Variants in DMD observed in about 807,000 individuals in gnomAD.
DMD encodes the protein mutant dystrophin.
Under a neutral mutation model 330.1 loss-of-function variants are expected in DMD, and 63 were observed. The observed-to-expected ratio is 0.19, with a 90% confidence interval of 0.16 to 0.24. The LOEUF (loss-of-function observed/expected upper bound fraction) is 0.24, where lower values mean the gene tolerates loss of function less well. Among genes scored for constraint, DMD ranks in the 10% least tolerant of loss-of-function variants. The pLI is 1.00. For missense variants in DMD, 3,344 were observed against 2,684.1 expected (o/e 1.25, Z -5.43); for synonymous variants, 1,223 against 959.8 (o/e 1.27, Z -5.07).
At chrX:32,787,253 A>T (rs868727035) in intron 7 of DMD, among the ~76,000 whole-genome samples, 172 of 89,071 alleles carry the variant, frequency 1.9e-3, no homozygotes, top group African/African-American at 7.9e-3. Flanking sequence ...TGTGTGAGAG[A>T]GAGAGAGAGA....
chrX:32,752,202 C>T (rs757353284), intron 7 of DMD, among the ~76,000 whole-genome samples: 74 of 111,446 alleles, frequency 6.6e-4, no homozygotes, highest in African/African-American at 1.9e-3. Context: ...CAACACACAC[C>T]GAGGAAAGCC....
At chrX:32,974,234 A>T (rs2092472491) in intron 2 of DMD, among the ~76,000 whole-genome samples, 1 of 111,807 alleles carries the variant, frequency 8.9e-6, no homozygotes, top group Non-Finnish European at 1.9e-5. Flanking sequence ...AAATGTCCAA[A>T]ATAGGCAGAT....
chrX:33,332,888 G>A (rs1250648657), intron 1 of DMD, among the ~76,000 whole-genome samples: 3 of 110,857 alleles, frequency 2.7e-5, no homozygotes, highest in East Asian at 2.8e-4. Flanking sequence ...TTTATTACTG[G>A]TCTTTAAGAG....
At chrX:31,561,944 CCT>C (rs2075222569) in intron 55 of DMD, among the ~76,000 whole-genome samples, 1 of 111,758 alleles carries the variant, frequency 8.9e-6, no homozygotes, top group African/African-American at 3.2e-5. Flanking sequence ...ATTATTTGTT[CCT>C]CTTTCATTCT....
chrX:32,866,762 T>G, intron 2 of DMD, among the ~76,000 whole-genome samples: 1 of 102,439 alleles, frequency 9.8e-6, no homozygotes, highest in East Asian at 3.4e-4. Flanking sequence ...GGGACAGAGT[T>G]TCACTCTTTC....
At chrX:32,503,594 CG>C (rs1335118000) in intron 18 of DMD, among the ~76,000 whole-genome samples, 1 of 111,397 alleles carries the variant, frequency 9.0e-6, no homozygotes, top group Non-Finnish European at 1.9e-5. Context: ...CTCACTCTGT[CG>C]CCCAGGCTGG....
intron 2 of DMD, among the ~76,000 whole-genome samples, chrX:32,881,472 G>C (rs141912081): frequency 0.011 from 1,269 of 111,786 alleles, 23 homozygotes; most frequent in African/African-American, 0.039. Context: ...TCTTCTATCA[G>C]AGGAAATCTA....
intron 18 of DMD, chrX:32,517,098 T>A (rs1042533079): frequency 9.0e-6 from 1 of 111,579 alleles, no homozygotes; most frequent in Admixed American, 9.5e-5. Context: ...ACTGAGGTAA[T>A]GTCGTATTTG....
chrX:32,509,633 C>A (rs1296312018), intron 18 of DMD, among the ~76,000 whole-genome samples: 2 of 112,023 alleles, frequency 1.8e-5, no homozygotes, highest in Non-Finnish European at 3.8e-5. Flanking sequence ...CATTCAATGA[C>A]TGATGTTCAG....
intron 44 of DMD, among the ~76,000 whole-genome samples, chrX:32,148,668 A>T (rs1043078130): frequency 1.6e-4 from 18 of 111,506 alleles, no homozygotes; most frequent in African/African-American, 5.9e-4. Flanking sequence ...GGCCATAGAC[A>T]TTCATAAATA....
chrX:32,772,911 T>C (rs1409329568), intron 7 of DMD, among the ~76,000 whole-genome samples: 1 of 111,837 alleles, frequency 8.9e-6, no homozygotes, highest in African/African-American at 3.3e-5. Flanking sequence ...TCGGGCAAAC[T>C]CATGTGTTCC....
chrX:32,703,066 A>T (rs1467874601), intron 7 of DMD, among the ~76,000 whole-genome samples: 3 of 111,407 alleles, frequency 2.7e-5, no homozygotes, highest in African/African-American at 9.8e-5. Flanking sequence ...CCCTTCTGAA[A>T]CTTTGCCAGA....
chrX:31,774,843 G>A (rs1159725861), intron 50 of DMD, among the ~76,000 whole-genome samples: 2 of 111,909 alleles, frequency 1.8e-5, no homozygotes, highest in Non-Finnish European at 3.8e-5. Context: ...CGAGTTAGTA[G>A]TTTTTCTATT....
intron 37 of DMD, among the ~76,000 whole-genome samples, chrX:32,355,154 T>A (rs993321171): frequency 2.7e-5 from 3 of 111,714 alleles, no homozygotes; most frequent in Non-Finnish European, 5.7e-5. Context: ...ACAAAAAGTA[T>A]AACGAAATCA....
intron 37 of DMD, among the ~76,000 whole-genome samples, chrX:32,351,439 G>A (rs757269116): frequency 6.4e-5 from 7 of 109,043 alleles, no homozygotes; most frequent in East Asian, 5.7e-4. Context: ...ATTTATCTGC[G>A]GCAATATAAA....
intron 57 of DMD, among the ~76,000 whole-genome samples, chrX:31,493,044 A>G (rs1052253091): frequency 4.5e-5 from 5 of 111,566 alleles, no homozygotes; most frequent in Admixed American, 2.8e-4. Context: ...AAACCTGTGC[A>G]TCAAAGTAGC....
At chrX:31,583,744 TAG>T (rs1363399582) in intron 55 of DMD, among the ~76,000 whole-genome samples, 3 of 100,977 alleles carry the variant, frequency 3.0e-5, no homozygotes, top group Non-Finnish European at 6.2e-5. Context: ...ACCCATCACC[TAG>T]AGATATATAT....
chrX:32,775,373 C>T (rs2074035902), intron 7 of DMD, among the ~76,000 whole-genome samples: 1 of 112,772 alleles, frequency 8.9e-6, no homozygotes, highest in African/African-American at 3.2e-5. Context: ...CACATTTCCC[C>T]CCTGCATTGC....
At chrX:33,059,384 CTT>C (rs1283704703) in intron 1 of DMD, among the ~76,000 whole-genome samples, 2 of 92,782 alleles carry the variant, frequency 2.2e-5, no homozygotes, top group East Asian at 1.3e-3. Flanking sequence ...GTCTCACTTT[CTT>C]TCTCTCTCTC....
Sources: allele counts gnomAD v4.1 joint callset (sites outside exome capture counted in the v4.1 genomes callset), GRCh38; gene constraint gnomAD v4.1.1; transcripts MANE v1.5; gene names NCBI Gene and HGNC (gene_info 2026-07-23, HGNC 2026-07-21).